Variants in FRMPD2 observed in about 807,000 individuals in gnomAD.
The protein encoded by FRMPD2 is FERM and PDZ domain containing 2, also known as FERM and PDZ domain-containing protein 2.
In FRMPD2, 96 loss-of-function variants were observed where a neutral mutation model predicts 140.1. The ratio of observed to expected loss-of-function variants is 0.69; its 90% CI spans 0.58 to 0.81. The LOEUF (loss-of-function observed/expected upper bound fraction) is 0.81, where lower values mean the gene tolerates loss of function less well. Ranked by LOEUF, FRMPD2 falls within the 40% of genes least tolerant of loss-of-function variation. The pLI is 0.00. For synonymous variants in FRMPD2, 449 were observed against 547.6 expected (o/e 0.82, Z 2.52); for missense variants, 1,240 against 1,447.4 (o/e 0.86, Z 2.32).
At chr10:48,194,203 T>A (rs1320802577) in intron 15 of FRMPD2, among the ~76,000 whole-genome samples, 1 of 152,198 alleles carries the variant, frequency 6.6e-6, no homozygotes, top group African/African-American at 2.4e-5. Context: ...ACAATAACCC[T>A]ATGGGGTAGA....
chr10:48,261,840 A>G (rs1169959095), intron 1 of FRMPD2, among the ~76,000 whole-genome samples: 2 of 152,162 alleles, frequency 1.3e-5, no homozygotes, highest in African/African-American at 4.8e-5. Context: ...TGGAAGGGAG[A>G]AACGGGTATT....
At chr10:48,200,246 C>G (rs945611153) in intron 15 of FRMPD2, among the ~76,000 whole-genome samples, 3 of 152,028 alleles carry the variant, frequency 2.0e-5, no homozygotes, top group Admixed American at 6.5e-5. Context: ...CACAGGTACT[C>G]TGAGTTCCTT....
chr10:48,212,244 G>A, intron 12 of FRMPD2, 135 bp from the exon 13 acceptor site: 1 of 792,680 alleles, frequency 1.3e-6, no homozygotes, highest in South Asian at 1.8e-5. Context: ...GTGCCCACCT[G>A]GGATATTATT....
intron 2 of FRMPD2, among the ~76,000 whole-genome samples, chr10:48,249,928 A>G (rs919926513): frequency 1.3e-5 from 2 of 152,086 alleles, no homozygotes; most frequent in African/African-American, 4.8e-5. Flanking sequence ...AAGAGACACT[A>G]TAGGAGGCCT....
At chr10:48,180,562 G>A (rs1838520168) in intron 21 of FRMPD2, among the ~76,000 whole-genome samples, 1 of 151,780 alleles carries the variant, frequency 6.6e-6, no homozygotes, top group African/African-American at 2.4e-5. Flanking sequence ...CCCACACTGA[G>A]CCTGTGCCCA....
At chr10:48,270,262 T>C (rs1840743731) in intron 1 of FRMPD2, among the ~76,000 whole-genome samples, 1 of 152,150 alleles carries the variant, frequency 6.6e-6, no homozygotes, top group Non-Finnish European at 1.5e-5. Flanking sequence ...GAGCGCTCAG[T>C]GCCCATGAGG....
chr10:48,200,176 A>ATAAC (rs1473517222), intron 15 of FRMPD2, among the ~76,000 whole-genome samples: 4 of 147,954 alleles, frequency 2.7e-5, no homozygotes, highest in Non-Finnish European at 6.0e-5. Flanking sequence ...AAATAAATAA[A>ATAAC]TAAATAAATA....
intron 13 of FRMPD2, among the ~76,000 whole-genome samples, chr10:48,210,770 CA>C (rs1380031353): frequency 1.3e-5 from 2 of 152,234 alleles, no homozygotes; most frequent in South Asian, 4.1e-4. Context: ...GCAAAATGAC[CA>C]GCTGAAAAGC....
chr10:48,213,494 T>C (rs1052177193), intron 12 of FRMPD2, among the ~76,000 whole-genome samples: 3 of 152,262 alleles, frequency 2.0e-5, no homozygotes, highest in African/African-American at 7.2e-5. Context: ...CAAAAGGAGT[T>C]GAGAACTTAT....
chr10:48,186,699 C>T (rs549160344), intron 17 of FRMPD2, among the ~76,000 whole-genome samples: 5 of 152,316 alleles, frequency 3.3e-5, no homozygotes, highest in South Asian at 2.1e-4. Flanking sequence ...AGCGTGAAAA[C>T]GCACTAATAC....
At chr10:48,215,912 T>C (rs1839436638) in intron 12 of FRMPD2, among the ~76,000 whole-genome samples, 1 of 152,210 alleles carries the variant, frequency 6.6e-6, no homozygotes. Flanking sequence ...GAGGGTGTTT[T>C]TGGACATGAC....
In FRMPD2 at chr10:48,249,114, G is replaced by T; in HGVS notation, c.216C>A (p.Phe72Leu). The change falls in exon 3 of 29, where the codon TTC becomes TTA. Residue 72 changes from phenylalanine (F) to leucine (L), a missense_variant. Coordinates refer to ENST00000374201, the MANE Select transcript of FRMPD2 (RefSeq NM_001018071.4). ...CCTCTATATGAGAAACACGGCCTTGGAAAGAAAGGCTTCCAGCTGCAGAAA... is the reference window on the plus strand; with the variant it reads ...CCTCTATATGAGAAACACGGCCTTGTAAAGAAAGGCTTCCAGCTGCAGAAA... Reference protein sequence around the residue: ...ALLSAAGSLSFQGRVSHIEAA... With the variant: ...ALLSAAGSLSLQGRVSHIEAA... 6.2e-7 allele frequency: 1 copy of T among 1,614,082 alleles called. No homozygotes were observed. The highest frequency in any genetic ancestry group is 8.5e-7 in the Non-Finnish European group (1 of 1,180,004).
At chr10:48,253,040 GGAA>G (rs1374521981) in intron 1 of FRMPD2, among the ~76,000 whole-genome samples, 2 of 152,050 alleles carry the variant, frequency 1.3e-5, no homozygotes, top group South Asian at 2.1e-4. Context: ...ATAAGAAGGG[GGAA>G]GAAGAAGACC....
chr10:48,179,768 T>C (rs1217122931), intron 21 of FRMPD2, among the ~76,000 whole-genome samples: 2 of 152,048 alleles, frequency 1.3e-5, no homozygotes, highest in Admixed American at 6.5e-5. Flanking sequence ...ATCTCCATCA[T>C]AAAAAGAGAA....
rs114531795 is a variant in FRMPD2, at chr10:48,238,082, C to G, written c.830G>C (p.Arg277Pro). 8.8e-5 allele frequency: 142 copies of G among 1,613,536 alleles called. 2 individuals are homozygous for G. In the South Asian group the frequency reaches 1.5e-3, roughly 17 times the overall value. ...GADPQDQQAG[R>P]RLSSGSVHSA... The stretch of plus-strand genomic sequence containing the variant: ...GTGCACAGATCCAGAGCTGAGCCTC[C>G]GGCCCGCCTGCTGGTCCTGGGGATC... The change falls in exon 8 of 29, where the codon CGG becomes CCG. Residue 277 changes from arginine to proline, a missense_variant. Physicochemically the swap from Arg to Pro is moderately radical, Grantham distance 103. This residue lies in a region of FRMPD2 where 1,161 missense variants were observed against 1,055.9 expected (regional missense o/e 1.10). Coordinates refer to ENST00000374201, the MANE Select transcript of FRMPD2 (RefSeq NM_001018071.4).
At chr10:48,182,699 ATTG>A (rs1564417389) in intron 20 of FRMPD2, among the ~76,000 whole-genome samples, 1 of 90,660 alleles carries the variant, frequency 1.1e-5, no homozygotes, top group East Asian at 6.0e-4. Flanking sequence ...TGGGAAACTC[ATTG>A]TCTGGAATTC....
chr10:48,183,675 A>T (rs965760799), intron 20 of FRMPD2, among the ~76,000 whole-genome samples: 12 of 151,422 alleles, frequency 7.9e-5, no homozygotes, highest in Admixed American at 6.6e-4. Flanking sequence ...ACATATTGAA[A>T]CCCCGTCTCT....
At chr10:48,227,098 A>G (rs898298133) in intron 10 of FRMPD2, among the ~76,000 whole-genome samples, 1 of 152,224 alleles carries the variant, frequency 6.6e-6, no homozygotes, top group African/African-American at 2.4e-5. Context: ...AGCTAAGAGA[A>G]GAAGGTAAAA....
intron 20 of FRMPD2, among the ~76,000 whole-genome samples, chr10:48,181,318 T>C (rs1838539634): frequency 6.6e-6 from 1 of 152,276 alleles, no homozygotes; most frequent in Non-Finnish European, 1.5e-5. Context: ...TAGATATACA[T>C]ATAGGAAGAT....
Sources: allele counts gnomAD v4.1 joint callset (sites outside exome capture counted in the v4.1 genomes callset), GRCh38; gene constraint gnomAD v4.1.1; regional missense constraint gnomAD v4.1.1; transcripts MANE v1.5; gene names NCBI Gene and HGNC (gene_info 2026-07-23, HGNC 2026-07-21).